TMEM165: variants seen among roughly 807,000 people sequenced by gnomAD.
The protein encoded by TMEM165 is transmembrane protein 165.
Under a neutral mutation model 30.0 loss-of-function variants are expected in TMEM165, and 19 were observed. That is an observed-to-expected ratio of 0.63 (90% CI 0.44 to 0.93). The LOEUF is 0.93. TMEM165 is among the 40% of genes least tolerant of loss of function. The pLI is 0.00. For synonymous variants in TMEM165, 168 were observed against 162.9 expected (o/e 1.03, Z -0.24); for missense variants, 340 against 417.0 (o/e 0.82, Z 1.61).
chr4:55,411,297 A>G (rs1721485004), intron 1 of TMEM165, among the ~76,000 whole-genome samples: 1 of 152,228 alleles, frequency 6.6e-6, no homozygotes, highest in Non-Finnish European at 1.5e-5. Flanking sequence ...GAGCACTGAC[A>G]TACATGAAAT....
intron 1 of TMEM165, among the ~76,000 whole-genome samples, chr4:55,397,674 CTCCTTTT>C (rs999102786): frequency 1.3e-5 from 2 of 151,516 alleles, no homozygotes; most frequent in African/African-American, 2.4e-5. Context: ...CCTCTCCTTT[CTCCTTTT>C]TCCTTTCCAT....
intron 3 of TMEM165, chr4:55,433,504 CTT>C (rs1163783624): frequency 6.6e-6 from 1 of 152,232 alleles, no homozygotes; most frequent in Non-Finnish European, 1.5e-5. Flanking sequence ...CCCCTGACCT[CTT>C]TACCTAGCAA....
At chr4:55,440,856 C>G (rs1723309928) in intron 3 of TMEM165, among the ~76,000 whole-genome samples, 1 of 152,154 alleles carries the variant, frequency 6.6e-6, no homozygotes, top group Non-Finnish European at 1.5e-5. Flanking sequence ...CACCCACATC[C>G]AAAGCCAAGC....
intron 4 of TMEM165, among the ~76,000 whole-genome samples, chr4:55,419,468 G>A (rs1035525283): frequency 6.6e-6 from 1 of 152,182 alleles, no homozygotes; most frequent in Non-Finnish European, 1.5e-5. Flanking sequence ...TAAGCTGGCT[G>A]GCTGTGGCCT....
chr4:55,396,369 G>A lies in TMEM165; in HGVS notation c.180G>A (p.Val60=). 1 of 1,504,440 alleles carries A rather than the reference G, an allele frequency of 6.6e-7. No individual in the cohort carries two copies. 93.2% of individuals were successfully genotyped at this position (1,504,440 alleles called of 1,614,324 possible). Residue 60 remains valine (V), a synonymous_variant, in exon 1 of 6, where the codon GTG becomes GTA. Transcript: ENST00000381334. ...AQQLQPQPVA[V]QGPEPARVEK... ...AGCTGCAGCCGCAGCCTGTGGCTGT[G>A]CAGGGCCCCGAGCCGGCCCGGGTCG... is the stretch of plus-strand genomic sequence containing the variant.
downstream of TMEM165, among the ~76,000 whole-genome samples, chr4:55,427,645 G>A (rs80113092): frequency 5.8e-3 from 889 of 152,080 alleles, 8 homozygotes; most frequent in Middle Eastern, 0.01. Flanking sequence ...GCACCCAACC[G>A]TTTTTTCTAA....
intron 1 of TMEM165, chr4:55,403,401 G>C: frequency 1.2e-6 from 1 of 824,576 alleles, no homozygotes; most frequent in Non-Finnish European, 1.6e-6. Flanking sequence ...ACTAGAAAAG[G>C]AATTACTTTT....
intron 3 of TMEM165, among the ~76,000 whole-genome samples, chr4:55,451,397 CCCT>C (rs1724436554): frequency 6.6e-6 from 1 of 152,140 alleles, no homozygotes; most frequent in African/African-American, 2.4e-5. Flanking sequence ...GCTATTACCC[CCCT>C]GTTGTTGATT....
intron 2 of TMEM165, among the ~76,000 whole-genome samples, chr4:55,414,385 T>C (rs951522933): frequency 2.0e-5 from 3 of 152,268 alleles, no homozygotes; most frequent in Admixed American, 6.5e-5. Flanking sequence ...TTAAATCATA[T>C]GTGTTTATTT....
chr4:55,435,722 A>C, intron 3 of TMEM165: 3 of 928,492 alleles, frequency 3.2e-6, no homozygotes, highest in Non-Finnish European at 5.1e-6. Flanking sequence ...TATCACTTTC[A>C]CTCTCTGGTT....
At chr4:55,401,774 A>G (rs1409121462) in intron 1 of TMEM165, among the ~76,000 whole-genome samples, 1 of 150,376 alleles carries the variant, frequency 6.6e-6, no homozygotes, top group Non-Finnish European at 1.5e-5. Flanking sequence ...TTATATTAAT[A>G]CTGAATTTAT....
chr4:55,445,582 C>CCTTTTTTTTTTTTTT (rs1723747322), intron 3 of TMEM165, among the ~76,000 whole-genome samples: 2 of 68,574 alleles, frequency 2.9e-5, no homozygotes, highest in East Asian at 4.9e-4. Flanking sequence ...TTTCTATATT[C>CCTTTTTTTTTTTTTT]TTTTTTTTTT....
At chr4:55,444,760 G>C in intron 3 of TMEM165, 1 of 1,613,982 alleles carries the variant, frequency 6.2e-7, no homozygotes, top group Non-Finnish European at 8.5e-7. Context: ...ATGTTGCATG[G>C]CTCCTAATTG....
At chr4:55,449,624 T>C in intron 3 of TMEM165, 1 of 778,482 alleles carries the variant, frequency 1.3e-6, no homozygotes, top group Non-Finnish European at 2.2e-6. Flanking sequence ...TCAATGAAAG[T>C]GAAGTCCATG....
intron 3 of TMEM165, among the ~76,000 whole-genome samples, chr4:55,450,871 AT>A (rs1038094014): frequency 5.3e-5 from 8 of 152,114 alleles, no homozygotes; most frequent in Non-Finnish European, 1.2e-4. Flanking sequence ...AGCCAGGTGA[AT>A]GCCTGCGGTG....
At chr4:55,402,119 CAAAA>C (rs71194551) in intron 1 of TMEM165, among the ~76,000 whole-genome samples, 2 of 107,034 alleles carry the variant, frequency 1.9e-5, no homozygotes, top group East Asian at 4.9e-4. Flanking sequence ...ACTCTGTCTC[CAAAA>C]AAAAAAAAGA....
chr4:55,448,900 A>C (rs1232210766), intron 3 of TMEM165: 1 of 1,495,082 alleles, frequency 6.7e-7, no homozygotes. Flanking sequence ...CACTGAAGTG[A>C]TTCTCATTCC....
downstream of TMEM165, among the ~76,000 whole-genome samples, chr4:55,427,053 T>TTA (rs10654590): frequency 2.8e-5 from 4 of 143,918 alleles, no homozygotes; most frequent in Non-Finnish European, 3.0e-5. Flanking sequence ...TTTTTTTTTT[T>TTA]GAGAGAGTCT....
At chr4:55,410,676 T>C (rs1721453481) in intron 1 of TMEM165, among the ~76,000 whole-genome samples, 1 of 152,222 alleles carries the variant, frequency 6.6e-6, no homozygotes. Flanking sequence ...TGCTGAGGTT[T>C]GTGGGTCTTA....
Sources: gnomAD v4.1 joint callset for allele counts (sites outside exome capture counted in the v4.1 genomes callset) on GRCh38, gnomAD v4.1.1 for gene constraint, MANE v1.5 for transcripts, NCBI Gene and HGNC (gene_info 2026-07-23, HGNC 2026-07-21) for gene names.